Variants in GRIK4 observed in about 807,000 individuals in gnomAD.
GRIK4 encodes glutamate receptor ionotropic, kainate 4.
Under a neutral mutation model 104.9 loss-of-function variants are expected in GRIK4, and 40 were observed. That is an observed-to-expected ratio of 0.38 (90% CI 0.30 to 0.50). The LOEUF (loss-of-function observed/expected upper bound fraction) is 0.50, where lower values mean the gene tolerates loss of function less well. GRIK4 is among the 20% of genes least tolerant of loss of function. The pLI is 0.93. For synonymous variants in GRIK4, 485 were observed against 524.9 expected, an observed-to-expected ratio of 0.92 and a Z score of 1.04; for missense variants, 1,047 against 1,308.1, an observed-to-expected ratio of 0.80 and a Z score of 3.08.
chr11:120,691,011 A>G (rs1384118884), intron 3 of GRIK4, among the ~76,000 whole-genome samples: 2 of 152,144 alleles, frequency 1.3e-5, no homozygotes, highest in East Asian at 1.9e-4. Flanking sequence ...CTTTGCATTC[A>G]GTCTCCCTCC....
intron 1 of GRIK4, among the ~76,000 whole-genome samples, chr11:120,600,063 G>C (rs1006930033): frequency 6.6e-6 from 1 of 152,228 alleles, no homozygotes; most frequent in Non-Finnish European, 1.5e-5. Context: ...CCACTCTGCA[G>C]GTGGCCGAAG....
chr11:120,541,213 C>T (rs754025906), intron 1 of GRIK4, among the ~76,000 whole-genome samples: 3 of 152,252 alleles, frequency 2.0e-5, no homozygotes, highest in African/African-American at 7.2e-5. Context: ...AGACCCAGCT[C>T]AAGTCTTTGC....
At chr11:120,802,379 A>C (rs1952636104) in intron 3 of GRIK4, among the ~76,000 whole-genome samples, 1 of 152,158 alleles carries the variant, frequency 6.6e-6, no homozygotes. Flanking sequence ...GTGCATGGAG[A>C]CAGGTATCCA....
intron 3 of GRIK4, among the ~76,000 whole-genome samples, chr11:120,735,221 A>G (rs545119344): frequency 1.5e-3 from 224 of 152,192 alleles, no homozygotes; most frequent in Middle Eastern, 3.4e-3. Context: ...TCTTCTTGGG[A>G]AGACTTTCCG....
chr11:120,760,771 G>A lies in GRIK4; in HGVS notation c.83-41922G>A, dbSNP rs544019242. On this transcript the variant is annotated intron_variant, in intron 3 of 20. Transcript: ENST00000527524. ...TCATCCATGTCCCTGCAAAGGACAC[G>A]AACTCATTCTTTTTTTATGGCTACA... 3.6e-4 allele frequency among the ~76,000 whole-genome samples: 55 copies of A among 152,182 alleles called. 1 individual carries two copies. The East Asian group carries it at 0.01, about 29-fold the overall frequency.
Position 120,562,449 on chromosome 11 carries a change from T to C in GRIK4, c.-159+50562T>C, listed in dbSNP as rs570117178. On this transcript the variant is annotated intron_variant, in intron 1 of 20. Transcript: ENST00000527524. ...TGGATGGCAGGGAGCTGGGGAGGGCTTCCTGGAGGAGGTGATGCCTGAGCT... is the reference window on the plus strand; with the variant it reads ...TGGATGGCAGGGAGCTGGGGAGGGCCTCCTGGAGGAGGTGATGCCTGAGCT... 9.9e-5 allele frequency among the ~76,000 whole-genome samples: 15 copies of C among 152,258 alleles called. 1 individual carries two copies. The South Asian group carries it at 3.1e-3, about 32-fold the overall frequency.
intron 8 of GRIK4, among the ~76,000 whole-genome samples, chr11:120,847,579 A>G (rs1299301323): frequency 6.6e-6 from 1 of 152,212 alleles, no homozygotes; most frequent in Non-Finnish European, 1.5e-5. Context: ...TTAATGGCTC[A>G]TGCATCCCAG....
chr11:120,548,375 C>T (rs748688833), intron 1 of GRIK4, among the ~76,000 whole-genome samples: 5 of 151,828 alleles, frequency 3.3e-5, no homozygotes, highest in African/African-American at 7.3e-5. Context: ...CAAGTGGAGA[C>T]GTAGGGCAAA....
intron 1 of GRIK4, among the ~76,000 whole-genome samples, chr11:120,609,399 T>C (rs902202642): frequency 2.0e-5 from 3 of 151,424 alleles, no homozygotes; most frequent in African/African-American, 7.3e-5. Flanking sequence ...ACCATGGTCA[T>C]GTGCCTCCAC....
At chr11:120,661,775 G>A (rs897656907) in intron 3 of GRIK4, among the ~76,000 whole-genome samples, 1 of 152,026 alleles carries the variant, frequency 6.6e-6, no homozygotes, top group African/African-American at 2.4e-5. Context: ...CAGAAATGTG[G>A]ACAGGTGACC....
chr11:120,691,241 C>G (rs981900611), intron 3 of GRIK4, among the ~76,000 whole-genome samples: 1 of 152,188 alleles, frequency 6.6e-6, no homozygotes, highest in South Asian at 2.1e-4. Flanking sequence ...TCACTGTGGC[C>G]GACTCCTCAG....
intron 3 of GRIK4, among the ~76,000 whole-genome samples, chr11:120,773,231 C>T (rs1251824664): frequency 2.0e-5 from 3 of 152,090 alleles, no homozygotes; most frequent in Non-Finnish European, 4.4e-5. Context: ...GGTCTGAAGC[C>T]CACCCTTGTA....
chr11:120,842,653 G>A (rs1009144348), intron 8 of GRIK4, among the ~76,000 whole-genome samples: 7 of 152,190 alleles, frequency 4.6e-5, no homozygotes, highest in South Asian at 2.1e-4. Context: ...TCAGCTTCCC[G>A]TGTTCTCTTA....
intron 1 of GRIK4, among the ~76,000 whole-genome samples, chr11:120,586,609 G>A (rs887395149): frequency 5.9e-5 from 9 of 152,280 alleles, no homozygotes; most frequent in African/African-American, 2.2e-4. Flanking sequence ...ACTGCCAGAT[G>A]CCGAGTGTGT....
At chr11:120,578,620 C>G (rs1321150938) in intron 1 of GRIK4, among the ~76,000 whole-genome samples, 1 of 152,226 alleles carries the variant, frequency 6.6e-6, no homozygotes, top group Non-Finnish European at 1.5e-5. Context: ...GTGCCAGACA[C>G]ATGCTTGGCA....
At chr11:120,662,253 A>G (rs1161463247) in intron 3 of GRIK4, among the ~76,000 whole-genome samples, 2 of 152,168 alleles carry the variant, frequency 1.3e-5, no homozygotes, top group Non-Finnish European at 2.9e-5. Context: ...CAGCTCTGTC[A>G]AGACTGCTGG....
chr11:120,595,487 G>T lies in GRIK4; in HGVS notation c.-158-58198G>T, dbSNP rs138933972. Among the ~76,000 whole-genome samples, 280 of 152,286 alleles carry T rather than the reference G, an allele frequency of 1.8e-3. 2 individuals carry two copies. Among genetic ancestry groups the T allele is most frequent in the Middle Eastern group, 6.8e-3 (2 of 294 alleles). ...TCACCTTACAAGGTGCATGGCAGAG[G>T]GAAGGTGCTCACCACCTGTTTACTG... On this transcript the variant is annotated intron_variant, in intron 1 of 20. Transcript: ENST00000527524.
At chr11:120,792,678 G>A (rs1446091371) in intron 3 of GRIK4, among the ~76,000 whole-genome samples, 1 of 152,162 alleles carries the variant, frequency 6.6e-6, no homozygotes. Flanking sequence ...TTGGGTGAAG[G>A]CACGATGCCT....
chr11:120,934,204 CAAAAAAA>C (rs35705174), intron 13 of GRIK4, among the ~76,000 whole-genome samples: 2 of 54,242 alleles, frequency 3.7e-5, no homozygotes, highest in Admixed American at 4.5e-4. Flanking sequence ...GACTCCGTCT[CAAAAAAA>C]AAAAAAAAAA....
Sources: allele counts gnomAD v4.1 joint callset (sites outside exome capture counted in the v4.1 genomes callset), GRCh38; gene constraint gnomAD v4.1.1; transcripts MANE v1.5; gene names NCBI Gene and HGNC (gene_info 2026-07-23, HGNC 2026-07-21).